Variants in TEAD1 observed in about 807,000 individuals in gnomAD.
The protein encoded by TEAD1 is TEA domain transcription factor 1.
Under a neutral mutation model 54.9 loss-of-function variants are expected in TEAD1, and 9 were observed. The observed-to-expected ratio is 0.16, with a 90% confidence interval of 0.10 to 0.29. TEAD1 has a LOEUF of 0.29. TEAD1 is among the 10% of genes least tolerant of loss of function. TEAD1 has a pLI of 1.00. For synonymous variants in TEAD1, 200 were observed against 187.8 expected, an observed-to-expected ratio of 1.07 and a Z score of -0.53; for missense variants, 387 against 535.9, an observed-to-expected ratio of 0.72 and a Z score of 2.74.
At chr11:12,718,179 G>C (rs1323989833) in intron 2 of TEAD1, among the ~76,000 whole-genome samples, 4 of 152,112 alleles carry the variant, frequency 2.6e-5, no homozygotes, top group Non-Finnish European at 5.9e-5. Flanking sequence ...AACATCTGTG[G>C]GGACGTGCCC....
intron 3 of TEAD1, among the ~76,000 whole-genome samples, chr11:12,775,968 GCGGC>G (rs1945408559): frequency 6.7e-6 from 1 of 149,100 alleles, no homozygotes; most frequent in African/African-American, 2.6e-5. Context: ...GTGTTTACTG[GCGGC>G]GGGGGGTTCA....
intron 3 of TEAD1, among the ~76,000 whole-genome samples, chr11:12,809,607 C>T (rs535108414): frequency 6.6e-6 from 1 of 151,942 alleles, no homozygotes; most frequent in East Asian, 1.9e-4. Context: ...GGACGTGGGG[C>T]CCAGCCTTTC....
intron 2 of TEAD1, among the ~76,000 whole-genome samples, chr11:12,734,665 A>T (rs1012064965): frequency 1.3e-5 from 2 of 152,180 alleles, no homozygotes; most frequent in Non-Finnish European, 2.9e-5. Context: ...ACAAATACTT[A>T]CCATTGAGTT....
chr11:12,777,149 T>C (rs778309407), intron 3 of TEAD1, among the ~76,000 whole-genome samples: 1 of 152,104 alleles, frequency 6.6e-6, no homozygotes, highest in Non-Finnish European at 1.5e-5. Context: ...CCTCTTAGCC[T>C]TTTAGAACAC....
At position 12,792,355 on chromosome 11, in the gene TEAD1, T is replaced by TAAAAA. The variant is rs10630085; in HGVS notation, c.202+27936_202+27940dup. On this transcript the variant is annotated intron_variant, in intron 3 of 12. Coordinates refer to ENST00000527636, the MANE Select transcript of TEAD1 (RefSeq NM_021961.6). ...GAAAAGGAAAGTAAAGGGAAAATAG[T>TAAAAA]AAAAAAAAAAAAAAAAAAAGTCCTA... 1.6e-3 allele frequency among the ~76,000 whole-genome samples: 162 copies of TAAAAA among 98,612 alleles called. 4 individuals carry two copies. The highest frequency in any genetic ancestry group is 4.9e-3 in the African/African-American group (130 of 26,566). The allele number at this position is 98,612 out of a possible 152,430, so 64.7% of individuals were successfully genotyped here.
At chr11:12,790,167 G>A (rs2133960341) in intron 3 of TEAD1, among the ~76,000 whole-genome samples, 1 of 152,346 alleles carries the variant, frequency 6.6e-6, no homozygotes, top group South Asian at 2.1e-4. Context: ...GGAGAGTGGG[G>A]CCGTGCTACC....
chr11:12,832,101 A>G (rs117447904), intron 3 of TEAD1, among the ~76,000 whole-genome samples: 2,555 of 151,886 alleles, frequency 0.017, 43 homozygotes, highest in Admixed American at 0.028. Context: ...CCCACCCCCA[A>G]CCCTCATGGT....
rs530204888 is a variant in TEAD1, at chr11:12,914,347, T to C, written c.874-10565T>C. On this transcript the variant is annotated intron_variant, in intron 10 of 12. Coordinates refer to ENST00000527636, the MANE Select transcript of TEAD1 (RefSeq NM_021961.6). ...TGTAGATGTAAATATATGCCATAAT[T>C]AGCGGGAAGTAACTTGAAGAGCCAC... is the stretch of plus-strand genomic sequence containing the variant. Among the ~76,000 whole-genome samples the C allele has an allele frequency of 6.6e-5, 10 of 152,276 alleles. No individual in the cohort carries two copies. The East Asian group carries it at 1.9e-3, about 29-fold the overall frequency.
chr11:12,794,786 G>T lies in TEAD1; in HGVS notation c.202+30352G>T, dbSNP rs147084736. Reference sequence around the variant, plus strand: ...GGCCCAGCTGCTGTGGCTGCAGCCTGTGAATGCCTTCCAAGAGGCCAGATG... The same window carrying T: ...GGCCCAGCTGCTGTGGCTGCAGCCTTTGAATGCCTTCCAAGAGGCCAGATG... On this transcript the variant is annotated intron_variant, in intron 3 of 12. Transcript: ENST00000527636. Among the ~76,000 whole-genome samples the T allele has an allele frequency of 2.4e-4, 36 of 152,336 alleles. No individual in the cohort carries two copies. The East Asian group carries it at 6.6e-3, about 28-fold the overall frequency.
At chr11:12,723,749 A>G (rs1944259551) in intron 2 of TEAD1, among the ~76,000 whole-genome samples, 1 of 152,244 alleles carries the variant, frequency 6.6e-6, no homozygotes. Context: ...TATGTAGTAC[A>G]GAGTGAGGAT....
chr11:12,801,238 G>A (rs1441618430), intron 3 of TEAD1, among the ~76,000 whole-genome samples: 4 of 152,270 alleles, frequency 2.6e-5, no homozygotes, highest in East Asian at 3.9e-4. Context: ...AATTTTCACC[G>A]CAATAAAAGC....
At chr11:12,864,652 G>GTTTTGTTTTT in intron 4 of TEAD1, 186 bp from the exon 5 acceptor site, 4 of 1,385,886 alleles carry the variant, frequency 2.9e-6, no homozygotes, top group Admixed American at 2.9e-5. Flanking sequence ...GTTTTGTTTT[G>GTTTTGTTTTT]TTTTGTTTCC....
chr11:12,944,142 C>T lies in TEAD1; in HGVS notation c.*6920C>T, dbSNP rs1256414276. On this transcript the variant is annotated 3_prime_UTR_variant, in exon 13 of 13. Coordinates refer to ENST00000527636, the MANE Select transcript of TEAD1 (RefSeq NM_021961.6). ...TTGTGATGTAAGCGTTTCATCTGGT[C>T]AGTGGTTCCTTTGATATTGTACTGC... 1 of 152,552 alleles carries T rather than the reference C, an allele frequency of 6.6e-6. No homozygotes were observed. Among genetic ancestry groups the T allele is most frequent in the Non-Finnish European group, 1.5e-5 (1 of 68,034 alleles). 9.4% of individuals were successfully genotyped at this position (152,552 alleles called of 1,614,324 possible).
At chr11:12,927,801 G>A (rs951893537) in intron 11 of TEAD1, among the ~76,000 whole-genome samples, 1 of 151,506 alleles carries the variant, frequency 6.6e-6, no homozygotes, top group Non-Finnish European at 1.5e-5. Flanking sequence ...TTCTAGATTC[G>A]AATTAATAGA....
intron 3 of TEAD1, among the ~76,000 whole-genome samples, chr11:12,804,444 C>G (rs972437795): frequency 6.6e-6 from 1 of 152,200 alleles, no homozygotes; most frequent in African/African-American, 2.4e-5. Context: ...GACCTTTGAT[C>G]TGCTTTTTAA....
At chr11:12,775,035 A>T (rs1464475718) in intron 3 of TEAD1, among the ~76,000 whole-genome samples, 1 of 152,188 alleles carries the variant, frequency 6.6e-6, no homozygotes, top group Non-Finnish European at 1.5e-5. Context: ...AAAAAAAAGG[A>T]AGTTATATCA....
chr11:12,749,356 C>G (rs575054625), intron 2 of TEAD1, among the ~76,000 whole-genome samples: 1 of 152,282 alleles, frequency 6.6e-6, no homozygotes, highest in South Asian at 2.1e-4. Context: ...CCAGGGTTAA[C>G]AGAATCTGTA....
At chr11:12,717,856 T>G (rs985485028) in intron 2 of TEAD1, among the ~76,000 whole-genome samples, 1 of 152,234 alleles carries the variant, frequency 6.6e-6, no homozygotes, top group Non-Finnish European at 1.5e-5. Context: ...CCTCTGCCTT[T>G]GGGCAAATTA....
intron 9 of TEAD1, among the ~76,000 whole-genome samples, chr11:12,901,099 G>A (rs575992719): frequency 3.9e-5 from 6 of 152,184 alleles, no homozygotes; most frequent in Admixed American, 3.9e-4. Flanking sequence ...ATTATGCCCA[G>A]GCCTTTGTGA....
Sources: gnomAD v4.1 joint callset for allele counts (sites outside exome capture counted in the v4.1 genomes callset) on GRCh38, gnomAD v4.1.1 for gene constraint, MANE v1.5 for transcripts, NCBI Gene and HGNC (gene_info 2026-07-23, HGNC 2026-07-21) for gene names.